TENM1: variants seen among roughly 807,000 people sequenced by gnomAD.
TENM1 encodes teneurin-1.
In TENM1, 35 loss-of-function variants were observed where a neutral mutation model predicts 174.8. That is an observed-to-expected ratio of 0.20 (90% CI 0.15 to 0.27). The LOEUF (loss-of-function observed/expected upper bound fraction) is 0.27, where lower values mean the gene tolerates loss of function less well. Ranked by LOEUF, TENM1 falls within the 10% of genes least tolerant of loss-of-function variation. TENM1 has a pLI of 1.00. For synonymous variants in TENM1, 781 were observed against 798.7 expected (o/e 0.98, Z 0.37); for missense variants, 1,633 against 2,130.1 (o/e 0.77, Z 4.59).
At chrX:124,697,678 A>G (rs1457695400) in intron 5 of TENM1, among the ~76,000 whole-genome samples, 1 of 111,569 alleles carries the variant, frequency 9.0e-6, no homozygotes, top group African/African-American at 3.2e-5. Context: ...AATTTATTGA[A>G]TAATATATAG....
At chrX:124,846,130 C>T (rs1403782397) in intron 3 of TENM1, among the ~76,000 whole-genome samples, 2 of 109,365 alleles carry the variant, frequency 1.8e-5, no homozygotes, top group African/African-American at 3.3e-5. Flanking sequence ...CATGATACAA[C>T]GCAGGGAAAA....
intron 18 of TENM1, among the ~76,000 whole-genome samples, chrX:124,515,686 A>C (rs2047686385): frequency 9.0e-6 from 1 of 111,034 alleles, no homozygotes; most frequent in Non-Finnish European, 1.9e-5. Context: ...TGCTCAGATA[A>C]ATCTGAGATA....
At chrX:124,693,008 C>CAAA (rs576815327) in intron 5 of TENM1, among the ~76,000 whole-genome samples, 2 of 33,540 alleles carry the variant, frequency 6.0e-5, no homozygotes, top group African/African-American at 8.8e-5. Flanking sequence ...AACTCCATCT[C>CAAA]AAAAAAAAAA....
chrX:124,592,815 G>T (rs1328180233), intron 11 of TENM1, among the ~76,000 whole-genome samples: 1 of 106,895 alleles, frequency 9.4e-6, no homozygotes, highest in African/African-American at 3.4e-5. Flanking sequence ...CCTCCCTAGG[G>T]GGTGTGACTG....
intron 3 of TENM1, among the ~76,000 whole-genome samples, chrX:124,779,272 C>T (rs1012450074): frequency 1.8e-5 from 2 of 111,806 alleles, no homozygotes; most frequent in African/African-American, 6.5e-5. Context: ...CTGCCCTCCT[C>T]AAAGACGATT....
At chrX:124,459,855 A>G (rs770852151) in intron 22 of TENM1, among the ~76,000 whole-genome samples, 1 of 111,918 alleles carries the variant, frequency 8.9e-6, no homozygotes, top group East Asian at 2.8e-4. Flanking sequence ...AGCATCTATA[A>G]GGAACTTAAA....
At chrX:125,035,423 T>C in the TENM1 span, among the ~76,000 whole-genome samples, 1 of 111,706 alleles carries the variant, frequency 9.0e-6, no homozygotes, top group Admixed American at 9.6e-5. Flanking sequence ...AGTGACTCCA[T>C]GAGTCCATGA....
intron 1 of TENM1, among the ~76,000 whole-genome samples, chrX:124,955,630 C>A (rs2058559852): frequency 9.0e-6 from 1 of 110,653 alleles, no homozygotes; most frequent in South Asian, 3.8e-4. Flanking sequence ...TCTTTTACTC[C>A]CGTAGTTTCA....
intron 6 of TENM1, among the ~76,000 whole-genome samples, chrX:124,669,577 T>C (rs1433911058): frequency 9.0e-6 from 1 of 110,693 alleles, no homozygotes; most frequent in African/African-American, 3.3e-5. Flanking sequence ...AGGAGCTATG[T>C]TTTTACTTGG....
At chrX:124,690,525 G>GTA (rs1183992104) in intron 5 of TENM1, among the ~76,000 whole-genome samples, 1 of 102,336 alleles carries the variant, frequency 9.8e-6, no homozygotes, top group Non-Finnish European at 2.0e-5. Flanking sequence ...GTGTGTGTGT[G>GTA]TATACACACA....
At chrX:124,650,771 C>T (rs2051285577) in intron 8 of TENM1, among the ~76,000 whole-genome samples, 2 of 111,641 alleles carry the variant, frequency 1.8e-5, no homozygotes, top group Non-Finnish European at 3.8e-5. Context: ...AGTGACATGA[C>T]TTAAAAATTT....
At chrX:124,994,077 C>T in the TENM1 span, among the ~76,000 whole-genome samples, 2 of 110,823 alleles carry the variant, frequency 1.8e-5, no homozygotes, top group Admixed American at 1.9e-4. Context: ...TCCTGATTGT[C>T]ATCCCTTTTG....
At chrX:125,078,481 A>G in the TENM1 span, among the ~76,000 whole-genome samples, 2 of 111,633 alleles carry the variant, frequency 1.8e-5, no homozygotes, top group Admixed American at 1.9e-4. Context: ...AAAGTGTCTA[A>G]CAAAGTAAAA....
chrX:124,942,965 C>G (rs1272144105), intron 1 of TENM1, among the ~76,000 whole-genome samples: 2 of 111,680 alleles, frequency 1.8e-5, no homozygotes, highest in South Asian at 7.5e-4. Flanking sequence ...AGGAAACCAT[C>G]ACACAGAGAT....
exon 31 of TENM1, chrX:124,382,696 T>C: frequency 8.3e-7 from 1 of 1,208,023 alleles, no homozygotes; most frequent in Non-Finnish European, 1.1e-6. Flanking sequence ...TCTTGAGTTT[T>C]TGTCTGAAGC....
the TENM1 span, among the ~76,000 whole-genome samples, chrX:125,091,727 C>T: frequency 9.0e-6 from 1 of 110,836 alleles, no homozygotes. Context: ...GTGGCTCACA[C>T]CTGTAATCCC....
At chrX:124,606,013 GTTT>G (rs1169623878) in intron 11 of TENM1, among the ~76,000 whole-genome samples, 1 of 111,484 alleles carries the variant, frequency 9.0e-6, no homozygotes, top group African/African-American at 3.2e-5. Context: ...GCAACATGAT[GTTT>G]TTCTTCTTTC....
At chrX:124,678,126 A>C (rs2052138313) in intron 5 of TENM1, among the ~76,000 whole-genome samples, 1 of 111,242 alleles carries the variant, frequency 9.0e-6, no homozygotes, top group African/African-American at 3.3e-5. Flanking sequence ...TTGGCAGTTG[A>C]AATTGACCAT....
chrX:124,471,293 ATATAT>A (rs1400260023), intron 22 of TENM1, among the ~76,000 whole-genome samples: 1 of 40,161 alleles, frequency 2.5e-5, no homozygotes, highest in East Asian at 8.1e-4. Context: ...ATATAGTACT[ATATAT>A]TATAATATAT....
Sources: gnomAD v4.1 joint callset for allele counts (sites outside exome capture counted in the v4.1 genomes callset) on GRCh38, gnomAD v4.1.1 for gene constraint, MANE v1.5 for transcripts, NCBI Gene and HGNC (gene_info 2026-07-23, HGNC 2026-07-21) for gene names.